The following CNTNAP2 variants were observed in gnomAD, a reference collection of about 807,000 sequenced individuals.
The protein encoded by CNTNAP2 is contactin associated protein 2, also known as contactin-associated protein-like 2.
CNTNAP2 carries 98 observed loss-of-function variants against 155.2 expected under a neutral mutation model. The observed-to-expected ratio is 0.63, with a 90% CI of 0.54 to 0.75. CNTNAP2 has a LOEUF of 0.75. CNTNAP2 is among the 30% of genes least tolerant of loss of function. The pLI, the probability that CNTNAP2 is intolerant of heterozygous loss-of-function variation, is 0.00. For synonymous variants in CNTNAP2, 651 were observed against 631.2 expected (o/e 1.03, Z -0.47); for missense variants, 1,727 against 1,688.1 (o/e 1.02, Z -0.40).
intron 3 of CNTNAP2, among the ~76,000 whole-genome samples, chr7:146,919,175 T>C (rs1171627757): frequency 6.6e-6 from 1 of 152,198 alleles, no homozygotes; most frequent in Non-Finnish European, 1.5e-5. Flanking sequence ...TTCTGAATGG[T>C]TTTTCTGGCA....
At chr7:147,267,503 T>C (rs1804639491) in intron 8 of CNTNAP2, among the ~76,000 whole-genome samples, 1 of 152,120 alleles carries the variant, frequency 6.6e-6, no homozygotes, top group Admixed American at 6.5e-5. Context: ...ATGTTCTGTT[T>C]CAAAATTTAC....
At chr7:147,313,596 G>T (rs1195318506) in intron 9 of CNTNAP2, among the ~76,000 whole-genome samples, 1 of 150,080 alleles carries the variant, frequency 6.7e-6, no homozygotes, top group East Asian at 2.0e-4. Context: ...TATTTCTGAG[G>T]GCTCTGTTCT....
intron 1 of CNTNAP2, among the ~76,000 whole-genome samples, chr7:146,667,413 T>C (rs980778856): frequency 2.0e-5 from 3 of 152,178 alleles, no homozygotes; most frequent in African/African-American, 7.2e-5. Context: ...TCTGGTAATA[T>C]GATGCTTCCA....
At chr7:147,823,477 G>A (rs1039783019) in intron 13 of CNTNAP2, among the ~76,000 whole-genome samples, 6 of 152,102 alleles carry the variant, frequency 3.9e-5, no homozygotes, top group Middle Eastern at 3.2e-3. Context: ...TTGAAATAAT[G>A]GGGAGGTTAA....
intron 22 of CNTNAP2, among the ~76,000 whole-genome samples, chr7:148,399,652 C>A (rs984998987): frequency 1.3e-5 from 2 of 152,184 alleles, no homozygotes; most frequent in Non-Finnish European, 2.9e-5. Flanking sequence ...CTCCCCCTCT[C>A]CAACATTCAA....
At chr7:148,285,658 A>C (rs566515595) in intron 21 of CNTNAP2, among the ~76,000 whole-genome samples, 1 of 152,366 alleles carries the variant, frequency 6.6e-6, no homozygotes, top group South Asian at 2.1e-4. Flanking sequence ...GAGGCTCTGA[A>C]GTTTTAAAGT....
chr7:147,126,446 GTTTAT>G (rs1801240004), intron 6 of CNTNAP2, among the ~76,000 whole-genome samples: 4 of 152,074 alleles, frequency 2.6e-5, no homozygotes, highest in Admixed American at 6.6e-5. Context: ...GGTCCAACCA[GTTTAT>G]TTTACCAATG....
At chr7:148,292,695 T>G (rs1160446567) in intron 21 of CNTNAP2, among the ~76,000 whole-genome samples, 6 of 152,158 alleles carry the variant, frequency 3.9e-5, no homozygotes, top group East Asian at 1.9e-4. Context: ...CGGTCTCACC[T>G]AAAGGAGAGA....
chr7:146,547,313 A>G (rs1391661936), intron 1 of CNTNAP2, among the ~76,000 whole-genome samples: 3 of 151,898 alleles, frequency 2.0e-5, no homozygotes, highest in Non-Finnish European at 4.4e-5. Flanking sequence ...ATTGGAAGCC[A>G]TTTTGTTTTT....
At chr7:147,388,903 T>A (rs1398959117) in intron 9 of CNTNAP2, among the ~76,000 whole-genome samples, 1 of 152,190 alleles carries the variant, frequency 6.6e-6, no homozygotes, top group Non-Finnish European at 1.5e-5. Context: ...CCTCTTTCTT[T>A]GACGTTGGGA....
chr7:146,982,747 A>G (rs375450003), intron 3 of CNTNAP2, among the ~76,000 whole-genome samples: 3 of 152,256 alleles, frequency 2.0e-5, no homozygotes, highest in African/African-American at 7.2e-5. Context: ...ATCACAGATG[A>G]CAGAGTAAAA....
intron 13 of CNTNAP2, among the ~76,000 whole-genome samples, chr7:147,850,841 C>G (rs1798923978): frequency 6.6e-6 from 1 of 152,078 alleles, no homozygotes; most frequent in African/African-American, 2.4e-5. Flanking sequence ...CTAGGCAATA[C>G]CATTCAGGAC....
chr7:147,197,562 C>T (rs940847812), intron 8 of CNTNAP2, among the ~76,000 whole-genome samples: 2 of 152,038 alleles, frequency 1.3e-5, no homozygotes, highest in Non-Finnish European at 2.9e-5. Context: ...AAAGGGGAAG[C>T]AATAGGCAAG....
intron 13 of CNTNAP2, among the ~76,000 whole-genome samples, chr7:147,801,684 T>G (rs1176999806): frequency 5.9e-5 from 9 of 152,212 alleles, no homozygotes; most frequent in Non-Finnish European, 1.0e-4. Flanking sequence ...AGAATTTATC[T>G]TAGTACAGAA....
intron 2 of CNTNAP2, among the ~76,000 whole-genome samples, chr7:146,783,413 A>T (rs1227206629): frequency 2.6e-5 from 4 of 152,262 alleles, no homozygotes; most frequent in African/African-American, 9.6e-5. Context: ...GTGAATTTTA[A>T]TGTATTCTTT....
At chr7:147,986,864 G>A (rs1219089489) in intron 15 of CNTNAP2, among the ~76,000 whole-genome samples, 2 of 109,028 alleles carry the variant, frequency 1.8e-5, no homozygotes. Flanking sequence ...TTTTTGTTAT[G>A]TTTTTTGTTT....
At chr7:147,051,961 A>G (rs964434455) in intron 4 of CNTNAP2, among the ~76,000 whole-genome samples, 11 of 152,018 alleles carry the variant, frequency 7.2e-5, no homozygotes, top group African/African-American at 2.7e-4. Flanking sequence ...ATCCAGTCAT[A>G]TTGTGTTTTA....
rs569845762 is a variant in CNTNAP2, at chr7:147,237,280, G to C, written c.1349-62861G>C. Reference sequence around the variant, plus strand: ...TAGAGATGAGGTTTTGCCATGTTAGGCAGTCTGGTCTGGAACTCCTGACCT... The same window carrying C: ...TAGAGATGAGGTTTTGCCATGTTAGCCAGTCTGGTCTGGAACTCCTGACCT... On this transcript the variant is annotated intron_variant, in intron 8 of 23. Transcript: ENST00000361727. Among the ~76,000 whole-genome samples, 410 of 151,848 alleles carry C rather than the reference G, an allele frequency of 2.7e-3. 1 individual carries two copies. The highest frequency in any genetic ancestry group is 9.3e-3 in the African/African-American group (384 of 41,418).
intron 3 of CNTNAP2, among the ~76,000 whole-genome samples, chr7:146,974,875 C>T (rs1428541671): frequency 2.0e-5 from 3 of 151,708 alleles, no homozygotes; most frequent in East Asian, 2.0e-4. Context: ...AGCAGATACC[C>T]GTAATCCCAG....
Sources: gnomAD v4.1 joint callset for allele counts (sites outside exome capture counted in the v4.1 genomes callset) on GRCh38, gnomAD v4.1.1 for gene constraint, MANE v1.5 for transcripts, NCBI Gene and HGNC (gene_info 2026-07-23, HGNC 2026-07-21) for gene names.